Variants in USP13 observed in about 807,000 individuals in gnomAD.
The protein encoded by USP13 is ubiquitin carboxyl-terminal hydrolase 13.
In USP13, 68 loss-of-function variants were observed where a neutral mutation model predicts 107.8. The observed-to-expected ratio is 0.63, with a 90% CI of 0.52 to 0.77. USP13 has a LOEUF of 0.77. Ranked by LOEUF, USP13 falls within the 30% of genes least tolerant of loss-of-function variation. The pLI is 0.00. For synonymous variants in USP13, 377 were observed against 389.5 expected (o/e 0.97, Z 0.38); for missense variants, 945 against 1,093.3 (o/e 0.86, Z 1.91).
At chr3:179,667,655 C>CT (rs947723866) in intron 1 of USP13, among the ~76,000 whole-genome samples, 5 of 151,688 alleles carry the variant, frequency 3.3e-5, no homozygotes, top group East Asian at 1.9e-4. Context: ...AAGAATGATT[C>CT]TTTTTTTTGA....
At chr3:179,765,565 A>T in intron 18 of USP13, 130 bp from the exon 19 acceptor site, 2 of 1,079,596 alleles carry the variant, frequency 1.9e-6, no homozygotes, top group Non-Finnish European at 2.6e-6. Context: ...CTTCTTACTC[A>T]GTGGCACTTA....
intron 3 of USP13, among the ~76,000 whole-genome samples, chr3:179,692,718 TGAA>T (rs1367192266): frequency 6.6e-6 from 1 of 152,246 alleles, no homozygotes; most frequent in Non-Finnish European, 1.5e-5. Context: ...TTTGGTTGAA[TGAA>T]GAAGTTAGCT....
In USP13 at chr3:179,658,148, G is replaced by A. The variant is rs543295830; in HGVS notation, c.168+4755G>A. ...TTTTTGTATTTTTAGTAGAGACGGG[G>A]TTTCACTATGTTGGCCAGGCTGGTC... On this transcript the variant is annotated intron_variant, in intron 1 of 20. Coordinates refer to ENST00000263966, the MANE Select transcript of USP13 (RefSeq NM_003940.3). Among the ~76,000 whole-genome samples, 205 of 152,284 alleles carry A rather than the reference G, an allele frequency of 1.3e-3. 1 individual carries two copies. Among genetic ancestry groups the A allele is most frequent in the South Asian group, 2.9e-3 (14 of 4,826 alleles).
rs770279379 is a variant in USP13, at chr3:179,763,991, A to C, written c.2093-11A>C. On this transcript the variant is annotated splice_polypyrimidine_tract_variant and intron_variant, in intron 17 of 20. Transcript: ENST00000263966. Reference sequence around the variant, plus strand: ...AAAAGGAAAAGACTTGGGTGTGGTTATTTTTCTCAGATTTTGCTGAGCCGC... The same window carrying C: ...AAAAGGAAAAGACTTGGGTGTGGTTCTTTTTCTCAGATTTTGCTGAGCCGC... The C allele has an allele frequency of 6.5e-7, 1 of 1,540,992 alleles. No individual in the cohort carries two copies. Among genetic ancestry groups the C allele is most frequent in the East Asian group, 2.3e-5 (1 of 42,704 alleles).
rs1213719091 is a variant in USP13 at position 179,781,776 on chromosome 3, A to G, written c.2451A>G (p.Thr817=). ...TTGCATTCATCAGTCACATGGGAACATCCACAATGAGTGGTCATTACATTT... is the reference window on the plus strand; with the variant it reads ...TTGCATTCATCAGTCACATGGGAACGTCCACAATGAGTGGTCATTACATTT... ...ELFAFISHMG[T]STMSGHYICH... Residue 817 remains threonine, a synonymous_variant, in exon 20 of 21, where the codon ACA becomes ACG. Transcript: ENST00000263966. The G allele has an allele frequency of 1.9e-6, 3 of 1,614,140 alleles. No homozygotes were observed. Among genetic ancestry groups the G allele is most frequent in the Non-Finnish European group, 2.5e-6 (3 of 1,179,998 alleles).
chr3:179,653,572 G>A lies in USP13; in HGVS notation c.168+179G>A, dbSNP rs1720156155. The A allele has an allele frequency of 2.3e-6, 2 of 867,834 alleles. No homozygotes were observed. Among genetic ancestry groups the A allele is most frequent in the East Asian group, 3.0e-5 (1 of 33,452 alleles). The allele number at this position is 867,834 out of a possible 1,614,324, so 53.8% of individuals were successfully genotyped here. A position where few individuals can be genotyped will look rare whatever the true frequency, so the allele number is the denominator to read the frequency against. On this transcript the variant is annotated intron_variant, in intron 1 of 20. Coordinates refer to ENST00000263966, the MANE Select transcript of USP13 (RefSeq NM_003940.3). This position sits in a 1 kb window ranked among gnomAD's most constrained non-coding sequence, Gnocchi z 4.0. ...AGCGCCCCAGGGCTGCTGCAGCCGA[G>A]GACTGGCTCGTGCTGGTGGTTTTGC...
chr3:179,756,417 C>A (rs201603480), intron 15 of USP13, among the ~76,000 whole-genome samples: 4 of 23,138 alleles, frequency 1.7e-4, no homozygotes, highest in Admixed American at 4.9e-4. Flanking sequence ...CTCAAAAAAA[C>A]AAACAAACAA....
rs1553788502 is a variant in USP13, at chr3:179,680,202, A to ACAACAAC, written c.169-1676_169-1675insCAACAAC. ...AACAACAACAACAACAACAACAACAAAAAGAAAGAGAGAGAGAGAGAAAGA... is the reference window on the plus strand; with the variant it reads ...AACAACAACAACAACAACAACAACAACAACAACAAAGAAAGAGAGAGAGAGAGAAAGA... On this transcript the variant is annotated intron_variant, in intron 1 of 20. Coordinates refer to ENST00000263966, the MANE Select transcript of USP13 (RefSeq NM_003940.3). 2.1e-4 allele frequency among the ~76,000 whole-genome samples: 30 copies of ACAACAAC among 146,282 alleles called. 1 individual carries two copies. Among genetic ancestry groups the ACAACAAC allele is most frequent in the Non-Finnish European group, 4.3e-4 (29 of 67,384 alleles).
Position 179,745,290 on chromosome 3 carries a change from G to A in USP13, c.1709+73G>A. 3 of 1,441,712 alleles carry A rather than the reference G, an allele frequency of 2.1e-6. No homozygotes were observed. The South Asian group carries it at 3.7e-5, about 18-fold the overall frequency. 89.3% of individuals were successfully genotyped at this position (1,441,712 alleles called of 1,614,324 possible). On this transcript the variant is annotated intron_variant, in intron 13 of 20. Transcript: ENST00000263966. ...GGGGTGGGGACAGGGGTAAGGGAAAGGGGGTGGGTGTTATTTGTGTCTGTG... is the reference window on the plus strand; with the variant it reads ...GGGGTGGGGACAGGGGTAAGGGAAAAGGGGTGGGTGTTATTTGTGTCTGTG...
At chr3:179,656,218 A>AAG (rs1720256215) in intron 1 of USP13, among the ~76,000 whole-genome samples, 2 of 152,274 alleles carry the variant, frequency 1.3e-5, no homozygotes, top group Non-Finnish European at 2.9e-5. Context: ...GAATAAAAAG[A>AAG]TACATTTGGC....
At chr3:179,711,455 C>G (rs888418002) in intron 6 of USP13, among the ~76,000 whole-genome samples, 1 of 152,164 alleles carries the variant, frequency 6.6e-6, no homozygotes, top group African/African-American at 2.4e-5. Context: ...TCAGGTGATC[C>G]ACCCACCTCG....
At chr3:179,772,780 G>A (rs1383225738) in intron 19 of USP13, among the ~76,000 whole-genome samples, 1 of 152,218 alleles carries the variant, frequency 6.6e-6, no homozygotes, top group African/African-American at 2.4e-5. Flanking sequence ...TTTGCCTTTC[G>A]GAGCATTCGG....
chr3:179,754,765 T>A lies in USP13; in HGVS notation c.1832T>A (p.Ile611Asn). 6 of 1,613,704 alleles carry A rather than the reference T, an allele frequency of 3.7e-6. No homozygotes were observed. Among genetic ancestry groups the A allele is most frequent in the Non-Finnish European group, 5.1e-6 (6 of 1,179,884 alleles). ...VSIDMPDLLD[I>N]NHLRARGLQP... ...ATTGATATGCCAGACCTACTTGATA[T>A]CAACCATCTCCGAGCCAGGGGGTTA... is the stretch of plus-strand genomic sequence containing the variant. Residue 611 changes from isoleucine (I) to asparagine (N), a missense_variant, in exon 15 of 21, where the codon ATC (isoleucine) becomes AAC (asparagine). Coordinates refer to ENST00000263966, the MANE Select transcript of USP13 (RefSeq NM_003940.3).
At position 179,740,230 on chromosome 3, in the gene USP13, T is replaced by A; in HGVS notation, c.1255-17T>A. On this transcript the variant is annotated splice_polypyrimidine_tract_variant and intron_variant, in intron 10 of 20. Transcript: ENST00000263966. ...TGCATGAAAGTATCATAAGTCCATT[T>A]CATTTTTATACATTAGCCACAGCAG... The A allele has an allele frequency of 6.2e-7, 1 of 1,613,020 alleles. No homozygotes were observed. Among genetic ancestry groups the A allele is most frequent in the Admixed American group, 1.7e-5 (1 of 60,002 alleles).
intron 4 of USP13, among the ~76,000 whole-genome samples, chr3:179,705,049 T>C (rs1418846646): frequency 2.0e-5 from 3 of 152,130 alleles, no homozygotes; most frequent in Non-Finnish European, 2.9e-5. Flanking sequence ...CAGGGAACCA[T>C]GATGGTGGCT....
chr3:179,663,623 T>C (rs1453467375), intron 1 of USP13, among the ~76,000 whole-genome samples: 2 of 152,356 alleles, frequency 1.3e-5, no homozygotes, highest in East Asian at 3.9e-4. Flanking sequence ...CACTCTTGGA[T>C]ATTTTTAAAA....
chr3:179,737,289 G>C (rs1714026727), intron 10 of USP13, among the ~76,000 whole-genome samples: 1 of 152,172 alleles, frequency 6.6e-6, no homozygotes, highest in Non-Finnish European at 1.5e-5. Context: ...TTCCCCATCT[G>C]TCAAGTGGAG....
intron 2 of USP13, among the ~76,000 whole-genome samples, chr3:179,687,832 CCT>C (rs1039100923): frequency 2.0e-5 from 3 of 151,890 alleles, no homozygotes; most frequent in Non-Finnish European, 4.4e-5. Flanking sequence ...GATGTTTCTC[CCT>C]CTTCTACAGG....
At chr3:179,781,228 T>G (rs1715736504) in intron 19 of USP13, among the ~76,000 whole-genome samples, 2 of 152,230 alleles carry the variant, frequency 1.3e-5, no homozygotes, top group South Asian at 2.1e-4. Context: ...CATTATCCTT[T>G]TCTACAAATG....
Sources: gnomAD v4.1 joint callset for allele counts (sites outside exome capture counted in the v4.1 genomes callset) on GRCh38, gnomAD v4.1.1 for gene constraint, Gnocchi (gnomAD v3.1) non-coding constraint, MANE v1.5 for transcripts, NCBI Gene and HGNC (gene_info 2026-07-23, HGNC 2026-07-21) for gene names.